OR4X2: variants seen among roughly 807,000 people sequenced by gnomAD.
The protein encoded by OR4X2 is olfactory receptor family 4 subfamily X member 2.
For missense variants in OR4X2, 554 were observed against 359.5 expected (o/e 1.54, Z -4.38); for synonymous variants, 205 against 136.6 (o/e 1.50, Z -3.49).
Position 48,245,928 on chromosome 11 carries a change from C to A in OR4X2, c.825C>A (p.Asn275Lys). 1.9e-6 allele frequency: 3 copies of A among 1,614,046 alleles called. No individual in the cohort carries two copies. The highest frequency in any genetic ancestry group is 2.5e-6 in the Non-Finnish European group (3 of 1,179,958). The change falls in exon 1 of 1, where the codon AAC (asparagine) becomes AAA (lysine). Residue 275 changes from asparagine (N) to lysine (K), a missense_variant. Physicochemically the swap from Asn to Lys is moderately conservative, Grantham distance 94. Coordinates refer to ENST00000624868, the MANE Select transcript of OR4X2 (RefSeq NM_001004727.1). ...VFYTVITAIL[N>K]PVIYSLRNAE... ...ACACAGTGATAACCGCGATCCTGAA[C>A]CCTGTCATCTACTCTCTGAGAAATG...
chr11:48,245,967 G>C lies in OR4X2; in HGVS notation c.864G>C (p.Lys288Asn). The change falls in exon 1 of 1, where the codon AAG becomes AAC. Residue 288 changes from lysine (K) to asparagine (N), a missense_variant. Physicochemically the swap from Lys to Asn is moderately conservative, Grantham distance 94. Coordinates refer to ENST00000624868, the MANE Select transcript of OR4X2 (RefSeq NM_001004727.1). ...CTCTGAGAAATGCTGAAATGAGGAA[G>C]GCCATGAAGAGGCTGTGGATTAGGA... is the stretch of plus-strand genomic sequence containing the variant. Reference protein sequence around the residue: ...IYSLRNAEMRKAMKRLWIRTL... With the variant: ...IYSLRNAEMRNAMKRLWIRTL... 6.2e-7 allele frequency: 1 copy of C among 1,614,076 alleles called. No individual in the cohort carries two copies.
At position 48,245,568 on chromosome 11, in the gene OR4X2, C is replaced by A; in HGVS notation, c.465C>A (p.Ile155=). Residue 155 remains isoleucine (I), a synonymous_variant, in exon 1 of 1, where the codon ATC becomes ATA. Transcript: ENST00000624868. ...ATTCCTTTGCACAAATCCTTCTCAT[C>A]TTCCACCTGCTCTTCTGTGGCCCCA... ...FMHSFAQILL[I]FHLLFCGPNV... 3 of 1,614,172 alleles carry A rather than the reference C, an allele frequency of 1.9e-6. No homozygotes were observed. The highest frequency in any genetic ancestry group is 2.5e-6 in the Non-Finnish European group (3 of 1,180,000).
Position 48,245,691 on chromosome 11 carries a change from C to T in OR4X2, c.588C>T (p.Gly196=), listed in dbSNP as rs138995069. The T allele has an allele frequency of 2.6e-5, 42 of 1,614,026 alleles. No homozygotes were observed. The highest frequency in any genetic ancestry group is 3.4e-5 in the Non-Finnish European group (40 of 1,180,030). ...LIGLLIVANG[G]TLSVISFGVL... ...GTCTGCTGATTGTTGCCAATGGAGGCACCCTGTCTGTGATCAGTTTTGGGG... is the reference window on the plus strand; with the variant it reads ...GTCTGCTGATTGTTGCCAATGGAGGTACCCTGTCTGTGATCAGTTTTGGGG... Residue 196 remains glycine (G), a synonymous_variant, in exon 1 of 1, where the codon GGC becomes GGT. Coordinates refer to ENST00000624868, the MANE Select transcript of OR4X2 (RefSeq NM_001004727.1).
chr11:48,245,504 C>G lies in OR4X2; in HGVS notation c.401C>G (p.Thr134Ser). Residue 134 changes from threonine (T) to serine (S), a missense_variant, in exon 1 of 1, where the codon ACT becomes AGT. Thr to Ser is a moderately conservative substitution (Grantham distance 58, BLOSUM62 1). Transcript: ENST00000624868. ...YTTIMNWQVCTVLVGIAWVGG... is the reference protein window; with the variant it reads ...YTTIMNWQVCSVLVGIAWVGG... ...ACCATCATGAACTGGCAGGTGTGTA[C>G]TGTCCTTGTAGGAATAGCATGGGTG... The G allele has an allele frequency of 3.1e-6, 5 of 1,614,210 alleles. No individual in the cohort carries two copies. The highest frequency in any genetic ancestry group is 4.2e-6 in the Non-Finnish European group (5 of 1,180,042).
In OR4X2 at chr11:48,245,199, G is replaced by A. The variant is rs1282608645; in HGVS notation, c.96G>A (p.Leu32=). The change falls in exon 1 of 1, where the codon CTG becomes CTA. Residue 32 remains leucine, a synonymous_variant. Transcript: ENST00000624868. The part of the protein sequence containing the change: ...IFLFLYTAIV[L]GNFLIVLTVM... ...TGTTCTTGTACACAGCAATTGTGCT[G>A]GGGAATTTCCTCATTGTGCTCACTG... The A allele has an allele frequency of 9.9e-6, 16 of 1,614,004 alleles. No individual in the cohort carries two copies. The highest frequency in any genetic ancestry group is 1.4e-5 in the Non-Finnish European group (16 of 1,180,024).
chr11:48,245,109 T>C lies in OR4X2; in HGVS notation c.6T>C (p.Thr2=), dbSNP rs746735475. Residue 2 remains threonine, a synonymous_variant, in exon 1 of 1, where the codon ACT becomes ACC. Coordinates refer to ENST00000624868, the MANE Select transcript of OR4X2 (RefSeq NM_001004727.1). ...TCTTGGCTAACATACACAACATGAC[T>C]GAATTCATTTTTCTGGTACTTTCTC... M[T]EFIFLVLSPN... The C allele has an allele frequency of 6.8e-6, 11 of 1,611,268 alleles. No individual in the cohort carries two copies. The South Asian group carries it at 8.8e-5, about 13-fold the overall frequency.
At position 48,245,446 on chromosome 11, in the gene OR4X2, T is replaced by C; in HGVS notation, c.343T>C (p.Tyr115His). ...FLLTVMAYDH[Y>H]VAICKPLSYT... The stretch of plus-strand genomic sequence containing the variant: ...GCTCACTGTGATGGCCTATGACCAC[T>C]ATGTGGCCATCTGCAAGCCCCTCAG... Residue 115 changes from tyrosine (Y) to histidine (H), a missense_variant, in exon 1 of 1, where the codon TAT becomes CAT. Physicochemically the swap from Tyr to His is moderately conservative, Grantham distance 83 (BLOSUM62 2). Transcript: ENST00000624868. 1 of 1,614,152 alleles carries C rather than the reference T, an allele frequency of 6.2e-7. No individual in the cohort carries two copies. Among genetic ancestry groups the C allele is most frequent in the Non-Finnish European group, 8.5e-7 (1 of 1,180,006 alleles).
Position 48,245,929 on chromosome 11 carries a change from C to G in OR4X2, c.826C>G (p.Pro276Ala), listed in dbSNP as rs756487497. 16 of 1,613,940 alleles carry G rather than the reference C, an allele frequency of 9.9e-6. No homozygotes were observed. The highest frequency in any genetic ancestry group is 1.4e-5 in the Non-Finnish European group (16 of 1,179,986). The change falls in exon 1 of 1, where the codon CCT becomes GCT. Residue 276 changes from proline (P) to alanine (A), a missense_variant. Physicochemically the swap from Pro to Ala is conservative, Grantham distance 27. Transcript: ENST00000624868. ...FYTVITAILN[P>A]VIYSLRNAEM... is the part of the protein sequence containing the mutation. ...CACAGTGATAACCGCGATCCTGAAC[C>G]CTGTCATCTACTCTCTGAGAAATGC...
In OR4X2 at chr11:48,245,501, G is replaced by T; in HGVS notation, c.398G>T (p.Cys133Phe). Residue 133 changes from cysteine (C) to phenylalanine (F), a missense_variant, in exon 1 of 1, where the codon TGT (cysteine) becomes TTT (phenylalanine). By Grantham distance (205) the Cys-to-Phe change is radical. Transcript: ENST00000624868. ...ACCACCATCATGAACTGGCAGGTGT[G>T]TACTGTCCTTGTAGGAATAGCATGG... ...SYTTIMNWQV[C>F]TVLVGIAWVG... The T allele has an allele frequency of 1.9e-6, 3 of 1,614,178 alleles. No individual in the cohort carries two copies. In the South Asian group the frequency reaches 3.3e-5, roughly 18 times the overall value.
At position 48,245,367 on chromosome 11, in the gene OR4X2, C is replaced by T. The variant is rs144921640; in HGVS notation, c.264C>T (p.Gly88=). Residue 88 remains glycine, a synonymous_variant, in exon 1 of 1, where the codon GGC becomes GGT. Transcript: ENST00000624868. ...LAERKVISWW[G]CMAQLFFLHF... ...AAAGGAAAGTCATATCTTGGTGGGG[C>T]TGCATGGCACAGCTTTTCTTCTTGC... The T allele has an allele frequency of 6.2e-6, 10 of 1,613,998 alleles. No individual in the cohort carries two copies. The Admixed American group carries it at 1.0e-4, about 16-fold the overall frequency.
At position 48,245,835 on chromosome 11, in the gene OR4X2, GC is replaced by G; in HGVS notation, c.735del (p.Cys246AlafsTer6). 1 of 1,613,984 alleles carries G rather than the reference GC, an allele frequency of 6.2e-7. No individual in the cohort carries two copies. Among genetic ancestry groups the G allele is most frequent in the Non-Finnish European group, 8.5e-7 (1 of 1,180,000 alleles). Reference protein sequence around the residue: ...HFAVVILFFGPCVFNSLRPST... With the variant: ...HFAVVILFFGXCVFNSLRPST... ...TCGCTGTGGTTATCTTGTTCTTTGG[GC>G]CCTGCGTCTTCAACTCTCTGAGGCC... On this transcript the variant is annotated frameshift_variant, in exon 1 of 1. Transcript: ENST00000624868. LOFTEE classifies it low-confidence loss of function (END_TRUNC).
At position 48,245,350 on chromosome 11, in the gene OR4X2, G is replaced by C. The variant is rs768492300; in HGVS notation, c.247G>C (p.Val83Leu). The C allele has an allele frequency of 6.2e-7, 1 of 1,614,052 alleles. No homozygotes were observed. Among genetic ancestry groups the C allele is most frequent in the East Asian group, 2.2e-5 (1 of 44,892 alleles). ...CTCAGATCTGCTGGCTGAAAGGAAA[G>C]TCATATCTTGGTGGGGCTGCATGGC... ...LISDLLAERK[V>L]ISWWGCMAQL... is the part of the protein sequence containing the mutation. The change falls in exon 1 of 1, where the codon GTC becomes CTC. Residue 83 changes from valine (V) to leucine (L), a missense_variant. Physicochemically the swap from Val to Leu is conservative, Grantham distance 32 (BLOSUM62 1). Coordinates refer to ENST00000624868, the MANE Select transcript of OR4X2 (RefSeq NM_001004727.1).
In OR4X2 at chr11:48,245,143, G is replaced by C. The variant is rs150465209; in HGVS notation, c.40G>C (p.Glu14Gln). 1 of 1,613,888 alleles carries C rather than the reference G, an allele frequency of 6.2e-7. No homozygotes were observed. The highest frequency in any genetic ancestry group is 1.7e-5 in the Admixed American group (1 of 60,004). The change falls in exon 1 of 1, where the codon GAG becomes CAG. Residue 14 changes from glutamate (E) to glutamine (Q), a missense_variant. Physicochemically the swap from Glu to Gln is conservative, Grantham distance 29. Coordinates refer to ENST00000624868, the MANE Select transcript of OR4X2 (RefSeq NM_001004727.1). ...TTTTCTGGTACTTTCTCCCAACCAGGAGGTGCAGAGGGTTTGCTTTGTGAT... is the reference window on the plus strand; with the variant it reads ...TTTTCTGGTACTTTCTCCCAACCAGCAGGTGCAGAGGGTTTGCTTTGTGAT... ...FIFLVLSPNQEVQRVCFVIFL... is the reference protein window; with the variant it reads ...FIFLVLSPNQQVQRVCFVIFL...
rs376656458 is a variant in OR4X2 at position 48,245,844 on chromosome 11, C to T, written c.741C>T (p.Val247=). ...TTATCTTGTTCTTTGGGCCCTGCGTCTTCAACTCTCTGAGGCCTTCTACCA... is the reference window on the plus strand; with the variant it reads ...TTATCTTGTTCTTTGGGCCCTGCGTTTTCAACTCTCTGAGGCCTTCTACCA... ...AVVILFFGPC[V]FNSLRPSTTL... The change falls in exon 1 of 1, where the codon GTC becomes GTT. Residue 247 remains valine (V), a synonymous_variant. Transcript: ENST00000624868. The T allele has an allele frequency of 6.0e-5, 97 of 1,613,974 alleles. No homozygotes were observed. The highest frequency in any genetic ancestry group is 1.6e-4 in the Middle Eastern group (1 of 6,084).
rs759165793 is a variant in OR4X2, at chr11:48,245,578, C to T, written c.475C>T (p.Leu159Phe). 4 of 1,614,192 alleles carry T rather than the reference C, an allele frequency of 2.5e-6. No homozygotes were observed. In the South Asian group the frequency reaches 3.3e-5, roughly 13 times the overall value. The change falls in exon 1 of 1, where the codon CTC becomes TTC. Residue 159 changes from leucine to phenylalanine, a missense_variant. Physicochemically the swap from Leu to Phe is conservative, Grantham distance 22. Coordinates refer to ENST00000624868, the MANE Select transcript of OR4X2 (RefSeq NM_001004727.1). ...ACAAATCCTTCTCATCTTCCACCTG[C>T]TCTTCTGTGGCCCCAATGTGATCAA... ...FAQILLIFHL[L>F]FCGPNVINHY...
rs753572389 is a variant in OR4X2, at chr11:48,245,996, T to C, written c.893T>C (p.Leu298Ser). ...ATGAAGAGGCTGTGGATTAGGACAT[T>C]GAGACTAAATGAGAAATAGAGGCTG... is the stretch of plus-strand genomic sequence containing the variant. ...KAMKRLWIRT[L>S]RLNEK The change falls in exon 1 of 1, where the codon TTG (leucine) becomes TCG (serine). Residue 298 changes from leucine (L) to serine (S), a missense_variant. Transcript: ENST00000624868. The C allele has an allele frequency of 6.2e-7, 1 of 1,612,496 alleles. No individual in the cohort carries two copies. The highest frequency in any genetic ancestry group is 8.5e-7 in the Non-Finnish European group (1 of 1,179,266).
In OR4X2 at chr11:48,245,625, T is replaced by A. The variant is rs1159843599; in HGVS notation, c.522T>A (p.Val174=). 1.9e-6 allele frequency: 3 copies of A among 1,614,142 alleles called. No homozygotes were observed. In the East Asian group the frequency reaches 6.7e-5, roughly 36 times the overall value. ...TCAATCACTATTTCTGTGACCTAGT[T>A]CCCCTTCTCAAACTTGCCTGCTCTG... ...NVINHYFCDL[V]PLLKLACSDT... is the part of the protein sequence containing the mutation. The change falls in exon 1 of 1, where the codon GTT becomes GTA. Residue 174 remains valine (V), a synonymous_variant. Transcript: ENST00000624868.
chr11:48,245,692 AC>A lies in OR4X2; in HGVS notation c.592del (p.Leu198CysfsTer3). The A allele has an allele frequency of 6.2e-7, 1 of 1,614,006 alleles. No individual in the cohort carries two copies. The highest frequency in any genetic ancestry group is 2.2e-5 in the East Asian group (1 of 44,876). ...TCTGCTGATTGTTGCCAATGGAGGC[AC>A]CCTGTCTGTGATCAGTTTTGGGGTC... ...IGLLIVANGGTLSVISFGVLL... is the reference protein window; with the variant it reads ...IGLLIVANGGXLSVISFGVLL... On this transcript the variant is annotated frameshift_variant, in exon 1 of 1. Transcript: ENST00000624868. LOFTEE classifies it low-confidence loss of function (END_TRUNC).
At position 48,245,201 on chromosome 11, in the gene OR4X2, G is replaced by C. The variant is rs777483911; in HGVS notation, c.98G>C (p.Gly33Ala). ...FLFLYTAIVLGNFLIVLTVMT... is the reference protein window; with the variant it reads ...FLFLYTAIVLANFLIVLTVMT... Reference sequence around the variant, plus strand: ...TTCTTGTACACAGCAATTGTGCTGGGGAATTTCCTCATTGTGCTCACTGTC... The same window carrying C: ...TTCTTGTACACAGCAATTGTGCTGGCGAATTTCCTCATTGTGCTCACTGTC... Residue 33 changes from glycine to alanine, a missense_variant, in exon 1 of 1, where the codon GGG (glycine) becomes GCG (alanine). Transcript: ENST00000624868. 1 of 1,614,098 alleles carries C rather than the reference G, an allele frequency of 6.2e-7. No individual in the cohort carries two copies.
Sources: allele counts gnomAD v4.1 joint callset, GRCh38; gene constraint gnomAD v4.1.1; transcripts MANE v1.5; gene names NCBI Gene and HGNC (gene_info 2026-07-23, HGNC 2026-07-21).